Variants in CAMK4 observed in about 807,000 individuals in gnomAD.
CAMK4 encodes calcium/calmodulin dependent protein kinase IV.
In CAMK4, 22 loss-of-function variants were observed where a neutral mutation model predicts 44.9. That is an observed-to-expected ratio of 0.49 (90% CI 0.35 to 0.70). The LOEUF (loss-of-function observed/expected upper bound fraction) is 0.70, where lower values mean the gene tolerates loss of function less well. Among genes scored for constraint, CAMK4 ranks in the 30% least tolerant of loss-of-function variants. CAMK4 has a pLI of 0.01. For missense variants in CAMK4, 498 were observed against 586.8 expected, an observed-to-expected ratio of 0.85 and a Z score of 1.56; for synonymous variants, 218 against 215.4, an observed-to-expected ratio of 1.01 and a Z score of -0.11.
intron 7 of CAMK4, among the ~76,000 whole-genome samples, chr5:111,456,076 T>G (rs1754401973): frequency 6.6e-6 from 1 of 152,204 alleles, no homozygotes; most frequent in South Asian, 2.1e-4. Context: ...ATTCCTTTTA[T>G]TATGCAGTAT....
intron 4 of CAMK4, among the ~76,000 whole-genome samples, chr5:111,390,388 C>G (rs569338069): frequency 3.3e-5 from 5 of 152,098 alleles, no homozygotes; most frequent in African/African-American, 1.2e-4. Context: ...TTCTCACCCC[C>G]GCCCCATCCC....
At chr5:111,265,451 T>C (rs1472990968) in intron 1 of CAMK4, among the ~76,000 whole-genome samples, 1 of 152,206 alleles carries the variant, frequency 6.6e-6, no homozygotes, top group African/African-American at 2.4e-5. Context: ...TATTTTAGCA[T>C]ATTCGCGGGT....
intron 1 of CAMK4, among the ~76,000 whole-genome samples, chr5:111,241,979 A>G (rs1749013419): frequency 1.3e-5 from 2 of 152,208 alleles, no homozygotes; most frequent in Non-Finnish European, 2.9e-5. Flanking sequence ...TGAATAATTC[A>G]TGGCAGGAAC....
At chr5:111,385,047 T>C (rs545241254) in intron 4 of CAMK4, among the ~76,000 whole-genome samples, 1 of 152,280 alleles carries the variant, frequency 6.6e-6, no homozygotes, top group South Asian at 2.1e-4. Context: ...ACATAGACGC[T>C]AATATTTTTT....
intron 1 of CAMK4, among the ~76,000 whole-genome samples, chr5:111,300,968 G>C (rs1747694241): frequency 6.8e-6 from 1 of 147,682 alleles, no homozygotes; most frequent in African/African-American, 2.5e-5. Flanking sequence ...TTACATATGG[G>C]ATTTTATTTA....
chr5:111,391,443 T>C (rs945094717), intron 4 of CAMK4, among the ~76,000 whole-genome samples: 2 of 151,864 alleles, frequency 1.3e-5, no homozygotes, highest in African/African-American at 4.8e-5. Context: ...TGGATGGAGC[T>C]GGAGGTCAAT....
chr5:111,309,105 A>G (rs532272617), intron 1 of CAMK4, among the ~76,000 whole-genome samples: 1 of 152,360 alleles, frequency 6.6e-6, no homozygotes, highest in East Asian at 1.9e-4. Flanking sequence ...AAGCACACAC[A>G]AAAGAGCAAT....
chr5:111,432,631 T>C (rs1442890603), intron 5 of CAMK4, among the ~76,000 whole-genome samples: 1 of 139,178 alleles, frequency 7.2e-6, no homozygotes, highest in Non-Finnish European at 1.5e-5. Context: ...TGTATATATA[T>C]ATATACATAT....
intron 4 of CAMK4, among the ~76,000 whole-genome samples, chr5:111,391,404 T>A (rs1751792933): frequency 6.6e-6 from 1 of 152,078 alleles, no homozygotes. Context: ...GTATCTGATT[T>A]AGTTCCAATA....
At chr5:111,286,084 T>G (rs979310211) in intron 1 of CAMK4, among the ~76,000 whole-genome samples, 2 of 152,190 alleles carry the variant, frequency 1.3e-5, no homozygotes, top group African/African-American at 2.4e-5. Context: ...GGGGAGATAC[T>G]TCTGTAAGAG....
chr5:111,433,387 C>T (rs1753530882), intron 5 of CAMK4, among the ~76,000 whole-genome samples: 1 of 152,128 alleles, frequency 6.6e-6, no homozygotes, highest in Admixed American at 6.6e-5. Context: ...CTATGTTGCC[C>T]AGTTTTCTTG....
chr5:111,233,708 G>T (rs1168261337), intron 1 of CAMK4, among the ~76,000 whole-genome samples: 1 of 152,106 alleles, frequency 6.6e-6, no homozygotes, highest in African/African-American at 2.4e-5. Flanking sequence ...CCATTTGCTA[G>T]TATTAGCTGT....
chr5:111,267,839 G>A (rs1750330964), intron 1 of CAMK4, among the ~76,000 whole-genome samples: 2 of 139,966 alleles, frequency 1.4e-5, no homozygotes, highest in South Asian at 2.4e-4. Flanking sequence ...TTTTGATTCA[G>A]TAAATATTAG....
In CAMK4 at chr5:111,484,445, T is replaced by C; in HGVS notation, c.1401T>C (p.Asp467=). ...SAVGFEVPQQ[D]VILPEY Reference sequence around the variant, plus strand: ...TGGGTTTTGAAGTTCCACAGCAAGATGTGATCCTGCCAGAGTACTAAACAG... The same window carrying C: ...TGGGTTTTGAAGTTCCACAGCAAGACGTGATCCTGCCAGAGTACTAAACAG... The change falls in exon 11 of 11, where the codon GAT becomes GAC. Residue 467 remains aspartate, a synonymous_variant. Transcript: ENST00000282356. This position sits in a 1 kb window ranked among gnomAD's most constrained non-coding sequence, Gnocchi z 5.3. The C allele has an allele frequency of 6.6e-7, 1 of 1,523,452 alleles. No homozygotes were observed. Among genetic ancestry groups the C allele is most frequent in the Non-Finnish European group, 8.8e-7 (1 of 1,137,076 alleles). The allele number at this position is 1,523,452 out of a possible 1,614,324, so 94.4% of individuals were successfully genotyped here. A position where few individuals can be genotyped will look rare whatever the true frequency, so the allele number is the denominator to read the frequency against.
intron 2 of CAMK4, among the ~76,000 whole-genome samples, chr5:111,352,687 GA>G (rs1181171969): frequency 4.0e-5 from 6 of 151,024 alleles, no homozygotes; most frequent in Admixed American, 2.6e-4. Context: ...GGGAAGGGGA[GA>G]GGGGGAAAGA....
chr5:111,267,474 T>C (rs1161737390), intron 1 of CAMK4, among the ~76,000 whole-genome samples: 1 of 152,090 alleles, frequency 6.6e-6, no homozygotes, highest in East Asian at 1.9e-4. Flanking sequence ...CCCAGCACTT[T>C]GGGAGGCCGA....
chr5:111,326,620 G>GT (rs1561413536), intron 1 of CAMK4, among the ~76,000 whole-genome samples: 1 of 149,994 alleles, frequency 6.7e-6, no homozygotes, highest in Non-Finnish European at 1.5e-5. Context: ...ATTAACTTCG[G>GT]TAACAGGCAA....
intron 4 of CAMK4, among the ~76,000 whole-genome samples, chr5:111,383,770 G>A (rs1357483745): frequency 6.6e-6 from 1 of 151,984 alleles, no homozygotes; most frequent in Non-Finnish European, 1.5e-5. Flanking sequence ...CAGCCAAGGG[G>A]AGATAATTTA....
chr5:111,423,334 A>G (rs757640371), intron 5 of CAMK4, among the ~76,000 whole-genome samples: 2 of 152,238 alleles, frequency 1.3e-5, no homozygotes, highest in African/African-American at 4.8e-5. Context: ...ATAGAACTTG[A>G]CATGATAGAT....
Sources: gnomAD v4.1 joint callset for allele counts (sites outside exome capture counted in the v4.1 genomes callset) on GRCh38, gnomAD v4.1.1 for gene constraint, Gnocchi (gnomAD v3.1) non-coding constraint, MANE v1.5 for transcripts, NCBI Gene and HGNC (gene_info 2026-07-23, HGNC 2026-07-21) for gene names.